Variants in WDFY4 observed in about 807,000 individuals in gnomAD.
WDFY4 encodes the protein WD repeat- and FYVE domain-containing protein 4.
In WDFY4, 169 loss-of-function variants were observed where a neutral mutation model predicts 351.9. The ratio of observed to expected loss-of-function variants is 0.48; its 90% CI spans 0.42 to 0.55. The LOEUF is 0.55. Among genes scored for constraint, WDFY4 ranks in the 20% least tolerant of loss-of-function variants. WDFY4 has a pLI of 0.00. For synonymous variants in WDFY4, 1,622 were observed against 1,574.6 expected (o/e 1.03, Z -0.71); for missense variants, 3,803 against 3,935.6 (o/e 0.97, Z 0.90).
intron 43 of WDFY4, chr10:48,884,233 T>C (rs1266038381): frequency 1.3e-5 from 2 of 152,368 alleles, no homozygotes; most frequent in East Asian, 3.9e-4. Flanking sequence ...TGGCATCTTC[T>C]ACAAGCTCCT....
intron 2 of WDFY4, among the ~76,000 whole-genome samples, chr10:48,711,754 A>G (rs1413977847): frequency 6.6e-6 from 1 of 152,252 alleles, no homozygotes; most frequent in African/African-American, 2.4e-5. Flanking sequence ...AGCAGACGGC[A>G]TCGAATAGCA....
At chr10:48,801,486 G>A (rs1054057441) in intron 24 of WDFY4, 13 of 456,354 alleles carry the variant, frequency 2.8e-5, no homozygotes, top group African/African-American at 2.6e-4. Flanking sequence ...AAGTGTGCAG[G>A]GCTCTTGGAG....
chr10:48,727,711 T>C (rs916252053), intron 7 of WDFY4, 52 bp downstream of exon 7: 16 of 1,535,632 alleles, frequency 1.0e-5, no homozygotes, highest in African/African-American at 2.8e-5. Context: ...AAAGCCTTAG[T>C]CCTCAGAATC....
chr10:48,713,705 T>C (rs987729390), intron 2 of WDFY4, among the ~76,000 whole-genome samples: 3 of 152,294 alleles, frequency 2.0e-5, no homozygotes, highest in Admixed American at 2.0e-4. Flanking sequence ...GGTTCCTCAC[T>C]CCTCTTGTTA....
chr10:48,847,336 T>A (rs1249776195), intron 39 of WDFY4, among the ~76,000 whole-genome samples: 1 of 152,200 alleles, frequency 6.6e-6, no homozygotes, highest in Non-Finnish European at 1.5e-5. Context: ...CTCCAAATAT[T>A]GTCACATTCT....
At chr10:48,955,905 G>A (rs1017259940) in intron 51 of WDFY4, among the ~76,000 whole-genome samples, 2 of 152,114 alleles carry the variant, frequency 1.3e-5, no homozygotes, top group African/African-American at 2.4e-5. Flanking sequence ...TGCAGAAGAT[G>A]GCAGAAGGAG....
intron 40 of WDFY4, among the ~76,000 whole-genome samples, chr10:48,871,699 A>G (rs1249385400): frequency 2.0e-5 from 3 of 152,074 alleles, no homozygotes; most frequent in Non-Finnish European, 2.9e-5. Context: ...CTGGTCTTTA[A>G]CTTCTGGCCT....
At chr10:48,952,854 A>G (rs1841395416) in intron 51 of WDFY4, among the ~76,000 whole-genome samples, 1 of 152,216 alleles carries the variant, frequency 6.6e-6, no homozygotes, top group Non-Finnish European at 1.5e-5. Flanking sequence ...TGAGGGTCCT[A>G]TGCCTTTAGC....
At chr10:48,699,307 TGGGGACTTCGGAGCCAGCA>T (rs927592937) in intron 1 of WDFY4, among the ~76,000 whole-genome samples, 2 of 152,182 alleles carry the variant, frequency 1.3e-5, no homozygotes, top group African/African-American at 4.8e-5. Context: ...GCTTGCAGCA[TGGGGACTTCGGAGCCAGCA>T]GGGGCAGAGG....
intron 40 of WDFY4, among the ~76,000 whole-genome samples, chr10:48,868,455 G>T (rs2069635324): frequency 6.6e-6 from 1 of 152,158 alleles, no homozygotes; most frequent in Non-Finnish European, 1.5e-5. Flanking sequence ...TTTTCTCTGT[G>T]GGCATCTACC....
chr10:48,912,828 C>T (rs978615018), intron 47 of WDFY4, among the ~76,000 whole-genome samples: 1 of 152,214 alleles, frequency 6.6e-6, no homozygotes, highest in African/African-American at 2.4e-5. Flanking sequence ...AGAGAGAAAA[C>T]ATTGCTTTGG....
chr10:48,852,221 C>T (rs570665589), intron 39 of WDFY4, among the ~76,000 whole-genome samples: 30 of 152,200 alleles, frequency 2.0e-4, no homozygotes, highest in African/African-American at 6.3e-4. Flanking sequence ...GGAGATACAC[C>T]GGGTGGAAAT....
Position 48,805,995 on chromosome 10 carries a change from T to G in WDFY4, c.4647-9T>G, listed in dbSNP as rs1240190614. 1.3e-6 allele frequency: 2 copies of G among 1,551,436 alleles called. No homozygotes were observed. Among genetic ancestry groups the G allele is most frequent in the Non-Finnish European group, 8.7e-7 (1 of 1,146,764 alleles). The stretch of plus-strand genomic sequence containing the variant: ...CTGCGAGCCTGTCCTTCTCTCCCTG[T>G]GTATAAAGGATTGGGCTGTTTGTTG... On this transcript the variant is annotated splice_polypyrimidine_tract_variant and intron_variant, in intron 26 of 61. Transcript: ENST00000325239.
chr10:48,965,122 A>G (rs527787234), intron 54 of WDFY4, among the ~76,000 whole-genome samples: 44 of 152,324 alleles, frequency 2.9e-4, no homozygotes, highest in African/African-American at 1.0e-3. Context: ...AAAATATATA[A>G]TAATACAAAG....
intron 2 of WDFY4, among the ~76,000 whole-genome samples, chr10:48,718,713 C>T (rs536456850): frequency 6.6e-6 from 1 of 152,326 alleles, no homozygotes; most frequent in Admixed American, 6.5e-5. Flanking sequence ...CATCGCACGA[C>T]TAGGAAACTT....
intron 47 of WDFY4, among the ~76,000 whole-genome samples, chr10:48,940,315 G>T: frequency 6.6e-6 from 1 of 152,238 alleles, no homozygotes; most frequent in East Asian, 1.9e-4. Flanking sequence ...GTTGGGTGTT[G>T]CTTGCTTGGA....
chr10:48,731,595 G>T, intron 9 of WDFY4, 33 bp downstream of exon 9: 8 of 1,533,670 alleles, frequency 5.2e-6, no homozygotes, highest in Non-Finnish European at 7.0e-6. Context: ...GGATGGGCAG[G>T]GGTCAGTGTC....
chr10:48,711,978 G>C (rs2063779039), intron 2 of WDFY4, among the ~76,000 whole-genome samples: 1 of 152,204 alleles, frequency 6.6e-6, no homozygotes, highest in South Asian at 2.1e-4. Flanking sequence ...TATTACTAAT[G>C]AATGTTATGT....
At chr10:48,901,661 G>T in intron 46 of WDFY4, 140 bp from the exon 47 acceptor site, 1 of 827,016 alleles carries the variant, frequency 1.2e-6, no homozygotes, top group Non-Finnish European at 2.0e-6. Context: ...CCCAGGCCTG[G>T]TGTTCACGAC....
Sources: allele counts gnomAD v4.1 joint callset (sites outside exome capture counted in the v4.1 genomes callset), GRCh38; gene constraint gnomAD v4.1.1; transcripts MANE v1.5; gene names NCBI Gene and HGNC (gene_info 2026-07-23, HGNC 2026-07-21).